TNC: variants seen among roughly 807,000 people sequenced by gnomAD.
TNC encodes the protein tenascin C, also known as tenascin.
Under a neutral mutation model 202.4 loss-of-function variants are expected in TNC, and 109 were observed. The observed-to-expected ratio is 0.54, with a 90% confidence interval of 0.46 to 0.63. The LOEUF is 0.63. Among genes scored for constraint, TNC ranks in the 30% least tolerant of loss-of-function variants. TNC has a pLI of 0.00. For missense variants in TNC, 2,756 were observed against 2,833.3 expected (o/e 0.97, Z 0.62); for synonymous variants, 1,007 against 1,089.7 (o/e 0.92, Z 1.50).
At chr9:115,039,281 A>G (rs527258051) in intron 19 of TNC, among the ~76,000 whole-genome samples, 1 of 152,224 alleles carries the variant, frequency 6.6e-6, no homozygotes, top group South Asian at 2.1e-4. Flanking sequence ...CCCTTCTCCA[A>G]ACTTCACTTT....
intron 13 of TNC, among the ~76,000 whole-genome samples, chr9:115,061,110 T>G (rs1026547864): frequency 2.0e-5 from 3 of 152,294 alleles, no homozygotes; most frequent in Admixed American, 2.0e-4. Context: ...TTTTGAAGGC[T>G]GAAGTGGCCA....
chr9:115,021,943 G>A (rs962449850), intron 27 of TNC, among the ~76,000 whole-genome samples: 4 of 152,170 alleles, frequency 2.6e-5, no homozygotes, highest in Admixed American at 6.5e-5. Flanking sequence ...CGTCGTAGGT[G>A]CTTGGTAAAT....
intron 17 of TNC, among the ~76,000 whole-genome samples, chr9:115,045,737 G>A (rs553959862): frequency 6.6e-6 from 1 of 151,004 alleles, no homozygotes; most frequent in South Asian, 2.1e-4. Context: ...CAGCTCCTAT[G>A]GAAAAAGGTA....
chr9:115,081,843 T>C lies in TNC; in HGVS notation c.2333A>G (p.Glu778Gly), dbSNP rs368033741. The change falls in exon 6 of 28, where the codon GAG becomes GGG. Residue 778 changes from glutamate to glycine, a missense_variant. Physicochemically the swap from Glu to Gly is moderately conservative, Grantham distance 98 (BLOSUM62 -2). This residue lies in a region of TNC where 2,559 missense variants were observed against 2,546.0 expected (regional missense o/e 1.01). Transcript: ENST00000350763. Reference sequence around the variant, plus strand: ...CACTATGTGCAGAGATATCTCATACTCTTGCCCAGGAGCTAGACCAGTTTG... The same window carrying C: ...CACTATGTGCAGAGATATCTCATACCCTTGCCCAGGAGCTAGACCAGTTTG... ...YRQTGLAPGQEYEISLHIVKN... is the reference protein window; with the variant it reads ...YRQTGLAPGQGYEISLHIVKN... 4.4e-6 allele frequency: 7 copies of C among 1,608,464 alleles called. No individual in the cohort carries two copies. In the African/African-American group the frequency reaches 8.1e-5, roughly 19 times the overall value.
intron 6 of TNC, among the ~76,000 whole-genome samples, chr9:115,080,039 T>A (rs1392986582): frequency 1.3e-5 from 2 of 152,164 alleles, no homozygotes; most frequent in South Asian, 2.1e-4. Context: ...GGCGGGTGGA[T>A]CACTTGAGAT....
At chr9:115,077,374 G>A (rs1425679771) in intron 7 of TNC, among the ~76,000 whole-genome samples, 1 of 152,062 alleles carries the variant, frequency 6.6e-6, no homozygotes, top group Non-Finnish European at 1.5e-5. Context: ...TGTACTTTTA[G>A]TAGAGACAGG....
chr9:115,071,179 G>A (rs1015091754), intron 10 of TNC, among the ~76,000 whole-genome samples: 3 of 152,318 alleles, frequency 2.0e-5, no homozygotes, highest in Admixed American at 6.5e-5. Context: ...AATGCAGAAG[G>A]CTTTAAAAGT....
intron 12 of TNC, 51 bp from the exon 13 acceptor site, chr9:115,063,240 T>C: frequency 3.1e-6 from 5 of 1,594,248 alleles, no homozygotes; most frequent in Non-Finnish European, 3.4e-6. Flanking sequence ...AATTGCACGC[T>C]GGGATTCAGG....
At chr9:115,023,381 C>T (rs575164789) in intron 27 of TNC, among the ~76,000 whole-genome samples, 7 of 152,256 alleles carry the variant, frequency 4.6e-5, no homozygotes, top group African/African-American at 1.4e-4. Context: ...TTGATCCGTT[C>T]GCCTATTTCT....
intron 23 of TNC, 109 bp from the exon 24 acceptor site, chr9:115,030,514 A>G: frequency 8.8e-6 from 11 of 1,254,812 alleles, no homozygotes; most frequent in Non-Finnish European, 1.2e-5. Flanking sequence ...TTCCAGGTGC[A>G]ATAATGTGAT....
chr9:115,046,674 G>A lies in TNC; in HGVS notation c.4861C>T (p.Pro1621Ser), dbSNP rs747667410. The A allele has an allele frequency of 1.9e-6, 3 of 1,612,606 alleles. No homozygotes were observed. Among genetic ancestry groups the A allele is most frequent in the Non-Finnish European group, 2.5e-6 (3 of 1,179,680 alleles). Residue 1621 changes from proline (P) to serine (S), a missense_variant, in exon 17 of 28, where the codon CCG (proline) becomes TCG (serine). This residue lies in a region of TNC where 2,559 missense variants were observed against 2,546.0 expected (regional missense o/e 1.01). Transcript: ENST00000350763. ...GAAACCAGAAGGTTGTCAACTTCCG[G>A]TTCGGCTTCTAGAGGGAGAGAAAAT... ...LRAEIVTEAE[P>S]EVDNLLVSDA...
chr9:115,071,265 A>T (rs191508903), intron 10 of TNC, among the ~76,000 whole-genome samples: 95 of 152,318 alleles, frequency 6.2e-4, no homozygotes, highest in African/African-American at 2.2e-3. Flanking sequence ...GGAGAAAGGG[A>T]TGGGGGAAAT....
intron 12 of TNC, 74 bp downstream of exon 12, chr9:115,063,722 G>C: frequency 6.6e-7 from 1 of 1,509,104 alleles, no homozygotes; most frequent in Non-Finnish European, 9.0e-7. Flanking sequence ...CCAGTTTAAA[G>C]CAAGAAAGTG....
chr9:115,075,987 G>C lies in TNC; in HGVS notation c.2950+45C>G, dbSNP rs571681113. On this transcript the variant is annotated intron_variant, in intron 9 of 27. Transcript: ENST00000350763. ...TGGCCACATTGACTCTGTCTCATCT[G>C]CCCAGCACCAGCTCAGTGGGATGGG... is the stretch of plus-strand genomic sequence containing the variant. 3.5e-4 allele frequency: 546 copies of C among 1,549,350 alleles called. 6 individuals are homozygous for C. In the South Asian group the frequency reaches 5.7e-3, roughly 16 times the overall value.
At chr9:115,052,673 T>A in intron 15 of TNC, 1 of 636,156 alleles carries the variant, frequency 1.6e-6, no homozygotes, top group Middle Eastern at 3.0e-4. Context: ...TTTGTTGAAT[T>A]TTCCTTTAAG....
intron 18 of TNC, 109 bp from the exon 19 acceptor site, chr9:115,041,193 CA>C (rs1336839377): frequency 8.0e-7 from 1 of 1,248,644 alleles, no homozygotes; most frequent in Non-Finnish European, 1.1e-6. Context: ...ATATCTTCAT[CA>C]AACACCACTT....
chr9:115,059,802 G>C lies in TNC; in HGVS notation c.4234C>G (p.Pro1412Ala). ...VDIPGLEAAT[P>A]YRVSIYGVIR... ...ACCCCATAGATGGAGACTCTATAAG[G>C]CGTGGCAGCCTCGAGGCCCGGGATG... The change falls in exon 14 of 28, where the codon CCT becomes GCT. Residue 1412 changes from proline (P) to alanine (A), a missense_variant. By Grantham distance (27) the Pro-to-Ala change is conservative (BLOSUM62 -1). Coordinates refer to ENST00000350763, the MANE Select transcript of TNC (RefSeq NM_002160.4). The C allele has an allele frequency of 6.2e-7, 1 of 1,614,094 alleles. No individual in the cohort carries two copies. Among genetic ancestry groups the C allele is most frequent in the Non-Finnish European group, 8.5e-7 (1 of 1,179,976 alleles).
Position 115,090,892 on chromosome 9 carries a change from C to G in TNC, c.127G>C (p.Glu43Gln). ...TTAAACACCACTGGCTGGTTCTCTT[C>G]TGGCAGGGTGGCGTTCACCCCACTC... The part of the protein sequence containing the change: ...RQSGVNATLP[E>Q]ENQPVVFNHV... The change falls in exon 2 of 28, where the codon GAA becomes CAA. Residue 43 changes from glutamate (E) to glutamine (Q), a missense_variant. By Grantham distance (29) the Glu-to-Gln change is conservative. Around this residue, in one of 2 missense-constraint regions of TNC, gnomAD observed 2,559 missense variants for 2,546.0 expected, o/e 1.01. Transcript: ENST00000350763. 6.2e-7 allele frequency: 1 copy of G among 1,614,224 alleles called. No homozygotes were observed. The highest frequency in any genetic ancestry group is 8.5e-7 in the Non-Finnish European group (1 of 1,180,046).
rs1829026520 is a variant in TNC, at chr9:115,021,089, T to C, written c.*68A>G. 2.2e-6 allele frequency: 3 copies of C among 1,339,072 alleles called. No homozygotes were observed. Among genetic ancestry groups the C allele is most frequent in the East Asian group, 2.3e-5 (1 of 43,552 alleles). 82.9% of individuals were successfully genotyped at this position (1,339,072 alleles called of 1,614,324 possible). On this transcript the variant is annotated 3_prime_UTR_variant, in exon 28 of 28. Transcript: ENST00000350763. ...GGACCGATGGTTGGGCTGGTTGTAT[T>C]GATGCTTTGGTAAAATCCTTTCCTC...
Sources: gnomAD v4.1 joint callset for allele counts (sites outside exome capture counted in the v4.1 genomes callset) on GRCh38, gnomAD v4.1.1 for gene constraint, gnomAD v4.1.1 regional missense constraint, MANE v1.5 for transcripts, NCBI Gene and HGNC (gene_info 2026-07-23, HGNC 2026-07-21) for gene names.